HECW1: variants seen among roughly 807,000 people sequenced by gnomAD.
The protein encoded by HECW1 is E3 ubiquitin-protein ligase HECW1.
HECW1 carries 61 observed loss-of-function variants against 182.3 expected under a neutral mutation model. The ratio of observed to expected loss-of-function variants is 0.33; its 90% CI spans 0.27 to 0.41. HECW1 has a LOEUF of 0.41. HECW1 is among the 10% of genes least tolerant of loss of function. The pLI, the probability that HECW1 is intolerant of heterozygous loss-of-function variation, is 1.00. For synonymous variants in HECW1, 859 were observed against 832.6 expected (o/e 1.03, Z -0.55); for missense variants, 1,739 against 2,108.9 (o/e 0.82, Z 3.44).
chr7:43,235,225 C>G (rs1185352286), intron 2 of HECW1, among the ~76,000 whole-genome samples: 1 of 152,202 alleles, frequency 6.6e-6, no homozygotes, highest in Non-Finnish European at 1.5e-5. Context: ...CACCCATCAC[C>G]TTACTTGGGG....
chr7:43,142,732 T>C (rs1788296916), intron 2 of HECW1, among the ~76,000 whole-genome samples: 1 of 152,238 alleles, frequency 6.6e-6, no homozygotes, highest in Non-Finnish European at 1.5e-5. Flanking sequence ...TGTATACACA[T>C]TGGTTCTTTT....
intron 8 of HECW1, among the ~76,000 whole-genome samples, chr7:43,420,281 C>A (rs182371659): frequency 2.8e-4 from 42 of 152,310 alleles, no homozygotes; most frequent in African/African-American, 9.1e-4. Flanking sequence ...TGAAGAGGAA[C>A]CTCTACTTTA....
chr7:43,150,030 T>C (rs936202498), intron 2 of HECW1, among the ~76,000 whole-genome samples: 1 of 152,228 alleles, frequency 6.6e-6, no homozygotes, highest in African/African-American at 2.4e-5. Context: ...TGATATCTTC[T>C]TGCAGTGCAA....
At chr7:43,283,123 CAAAA>C (rs555000439) in intron 3 of HECW1, among the ~76,000 whole-genome samples, 1 of 137,896 alleles carries the variant, frequency 7.3e-6, no homozygotes. Flanking sequence ...AGACTATCTC[CAAAA>C]AAAAAAAGAA....
At chr7:43,515,955 T>C (rs557576656) in intron 24 of HECW1, among the ~76,000 whole-genome samples, 45 of 152,358 alleles carry the variant, frequency 3.0e-4, no homozygotes, top group African/African-American at 8.9e-4. Context: ...ATATTGCAAA[T>C]GCATATAGTT....
At chr7:43,369,038 G>A (rs149361544) in intron 6 of HECW1, among the ~76,000 whole-genome samples, 14 of 152,286 alleles carry the variant, frequency 9.2e-5, no homozygotes, top group Non-Finnish European at 5.9e-5. Flanking sequence ...GGTGTTTCAT[G>A]GGCACATTTG....
intron 4 of HECW1, among the ~76,000 whole-genome samples, chr7:43,314,019 A>G (rs1808875205): frequency 6.6e-6 from 1 of 152,008 alleles, no homozygotes; most frequent in South Asian, 2.1e-4. Context: ...GAGTCTCACT[A>G]TATTGCCCAG....
In HECW1 at chr7:43,426,289, A is replaced by G. The variant is rs535103052; in HGVS notation, c.802-11714A>G. Among the ~76,000 whole-genome samples, 7 of 152,348 alleles carry G rather than the reference A, an allele frequency of 4.6e-5. No homozygotes were observed. In the South Asian group the frequency reaches 1.4e-3, roughly 32 times the overall value. On this transcript the variant is annotated intron_variant, in intron 8 of 29. Coordinates refer to ENST00000395891, the MANE Select transcript of HECW1 (RefSeq NM_015052.5). The stretch of plus-strand genomic sequence containing the variant: ...AAAATACATAGAATACGGCAAGATA[A>G]AATATATTTAAATATAGTTGAGAAA...
intron 2 of HECW1, among the ~76,000 whole-genome samples, chr7:43,176,559 C>T (rs1011409392): frequency 4.6e-5 from 7 of 152,206 alleles, no homozygotes; most frequent in African/African-American, 1.2e-4. Flanking sequence ...GGCCTTCACA[C>T]AGTGGGGGGC....
At chr7:43,545,563 G>C (rs1001468209) in intron 26 of HECW1, among the ~76,000 whole-genome samples, 1 of 152,096 alleles carries the variant, frequency 6.6e-6, no homozygotes, top group African/African-American at 2.4e-5. Context: ...CTTAACTACT[G>C]GTAGCCTGCT....
chr7:43,459,040 G>C (rs2077492312), intron 13 of HECW1, among the ~76,000 whole-genome samples: 1 of 152,190 alleles, frequency 6.6e-6, no homozygotes. Context: ...CACTCTTCCA[G>C]GCCTTTATGG....
At chr7:43,342,791 G>A (rs1002246215) in intron 5 of HECW1, among the ~76,000 whole-genome samples, 8 of 151,692 alleles carry the variant, frequency 5.3e-5, no homozygotes, top group Non-Finnish European at 1.0e-4. Flanking sequence ...TTTGGGAGGC[G>A]CAGGCAGGCA....
intron 2 of HECW1, among the ~76,000 whole-genome samples, chr7:43,180,088 G>T (rs117714282): frequency 6.6e-6 from 1 of 152,220 alleles, no homozygotes; most frequent in African/African-American, 2.4e-5. Flanking sequence ...TCTGCCCTTA[G>T]CAGAGTTGGT....
rs2079727836 is a variant in HECW1 at position 43,508,981 on chromosome 7, T to C, written c.3879T>C (p.Ser1293=). ...GCTTTCTTTGCAGCCTGGACTACAG[T>C]GGCCCCTCGCGGGAGTTCTTCTTCC... ...TFVGEEGLDY[S]GPSREFFFLL... The change falls in exon 24 of 30, where the codon AGT becomes AGC. Residue 1293 remains serine, a synonymous_variant. Coordinates refer to ENST00000395891, the MANE Select transcript of HECW1 (RefSeq NM_015052.5). The C allele has an allele frequency of 6.2e-7, 1 of 1,613,874 alleles. No homozygotes were observed. Among genetic ancestry groups the C allele is most frequent in the Non-Finnish European group, 8.5e-7 (1 of 1,179,934 alleles).
chr7:43,310,985 A>G (rs1188136567), intron 3 of HECW1, among the ~76,000 whole-genome samples: 1 of 152,118 alleles, frequency 6.6e-6, no homozygotes, highest in Non-Finnish European at 1.5e-5. Flanking sequence ...GTCCTTCTGT[A>G]TTTTCAAAGT....
intron 2 of HECW1, among the ~76,000 whole-genome samples, chr7:43,242,191 C>T (rs932766721): frequency 1.1e-4 from 16 of 152,300 alleles, no homozygotes; most frequent in African/African-American, 3.4e-4. Flanking sequence ...GGAAGGGCGA[C>T]ATCAGGTTTC....
At chr7:43,232,810 CTT>C (rs1562709124) in intron 2 of HECW1, among the ~76,000 whole-genome samples, 4 of 152,226 alleles carry the variant, frequency 2.6e-5, no homozygotes, top group Admixed American at 1.3e-4. Flanking sequence ...AGAGAGAAGA[CTT>C]TATATTTCTC....
intron 7 of HECW1, among the ~76,000 whole-genome samples, chr7:43,398,310 G>A (rs2075297412): frequency 6.6e-6 from 1 of 152,102 alleles, no homozygotes; most frequent in African/African-American, 2.4e-5. Flanking sequence ...AAACTGAGCT[G>A]CTCTGGCTAA....
Position 43,444,320 on chromosome 7 carries a change from A to G in HECW1, c.1148A>G (p.Glu383Gly). The change falls in exon 11 of 30, where the codon GAG becomes GGG. Residue 383 changes from glutamate to glycine, a missense_variant. Around this residue, in one of 5 missense-constraint regions of HECW1, gnomAD observed 971 missense variants for 1,029.1 expected, o/e 0.94. Transcript: ENST00000395891. The surrounding 1 kb of genome is among the most constrained non-coding windows in gnomAD (Gnocchi z 4.3). Reference sequence around the variant, plus strand: ...AGCGGCAGTGGGGAACCTCGGTCTGAGGCACCAGAGTCCTCTGAGAGCTGG... The same window carrying G: ...AGCGGCAGTGGGGAACCTCGGTCTGGGGCACCAGAGTCCTCTGAGAGCTGG... ...MESGSGEPRS[E>G]APESSESWKP... 4 of 1,614,160 alleles carry G rather than the reference A, an allele frequency of 2.5e-6. No homozygotes were observed. The highest frequency in any genetic ancestry group is 3.4e-6 in the Non-Finnish European group (4 of 1,180,014).
Sources: allele counts gnomAD v4.1 joint callset (sites outside exome capture counted in the v4.1 genomes callset), GRCh38; gene constraint gnomAD v4.1.1; regional missense constraint gnomAD v4.1.1; non-coding constraint Gnocchi (gnomAD v3.1); transcripts MANE v1.5; gene names NCBI Gene and HGNC (gene_info 2026-07-23, HGNC 2026-07-21).